The following NCAM1 variants were observed in gnomAD, a reference collection of about 807,000 sequenced individuals.
NCAM1 encodes the protein neural cell adhesion molecule 1, also known as antigen recognized by monoclonal antibody 5.1H11.
Under a neutral mutation model 109.8 loss-of-function variants are expected in NCAM1, and 14 were observed. The observed-to-expected ratio is 0.13, with a 90% CI of 0.08 to 0.20. NCAM1 has a LOEUF of 0.20. Ranked by LOEUF, NCAM1 falls within the 10% of genes least tolerant of loss-of-function variation. NCAM1 has a pLI of 1.00. For missense variants in NCAM1, 774 were observed against 1,109.9 expected, an observed-to-expected ratio of 0.70 and a Z score of 4.30; for synonymous variants, 418 against 442.9, an observed-to-expected ratio of 0.94 and a Z score of 0.70.
intron 1 of NCAM1, among the ~76,000 whole-genome samples, chr11:113,061,873 G>C (rs1161664134): frequency 1.3e-5 from 2 of 152,164 alleles, no homozygotes; most frequent in Non-Finnish European, 2.9e-5. Context: ...ATATTTGACT[G>C]TGTGTATTTA....
intron 1 of NCAM1, among the ~76,000 whole-genome samples, chr11:113,141,753 G>A (rs140574625): frequency 6.6e-6 from 1 of 152,236 alleles, no homozygotes; most frequent in Non-Finnish European, 1.5e-5. Flanking sequence ...GAGCCGCCTT[G>A]CATACCTCTC....
chr11:112,968,046 C>T (rs1333067508), intron 1 of NCAM1, among the ~76,000 whole-genome samples: 2 of 152,184 alleles, frequency 1.3e-5, no homozygotes, highest in African/African-American at 4.8e-5. Context: ...AACTTCTGGT[C>T]CTTCTTTAGC....
At chr11:113,051,794 C>T (rs548776359) in intron 1 of NCAM1, among the ~76,000 whole-genome samples, 1 of 152,308 alleles carries the variant, frequency 6.6e-6, no homozygotes, top group South Asian at 2.1e-4. Flanking sequence ...GTTTTTCTCT[C>T]ATAAGCAACA....
At chr11:113,200,270 T>C (rs1387287687) in intron 1 of NCAM1, among the ~76,000 whole-genome samples, 1 of 152,168 alleles carries the variant, frequency 6.6e-6, no homozygotes, top group Non-Finnish European at 1.5e-5. Flanking sequence ...TTCATAAGCC[T>C]GTAGTTCCCA....
chr11:113,071,616 G>A lies in NCAM1; in HGVS notation c.52+109952G>A, dbSNP rs368791143. Among the ~76,000 whole-genome samples the A allele has an allele frequency of 9.9e-4, 151 of 151,976 alleles. 1 individual carries two copies. The highest frequency in any genetic ancestry group is 3.4e-3 in the Middle Eastern group (1 of 294). Reference sequence around the variant, plus strand: ...AATTTTTTGTATTTTTAGTAGAGACGGGGTTTCACCGTGTTAGCCAGGATG... The same window carrying A: ...AATTTTTTGTATTTTTAGTAGAGACAGGGTTTCACCGTGTTAGCCAGGATG... On this transcript the variant is annotated intron_variant, in intron 1 of 19. Coordinates refer to ENST00000316851, the MANE Select transcript of NCAM1 (RefSeq NM_181351.5).
At chr11:113,004,811 A>G (rs1591237069) in intron 1 of NCAM1, among the ~76,000 whole-genome samples, 1 of 140,162 alleles carries the variant, frequency 7.1e-6, no homozygotes, top group Admixed American at 7.4e-5. Flanking sequence ...ATGTTCTTGT[A>G]CTGATTCTTT....
At chr11:113,255,496 T>C (rs1176358961) in intron 15 of NCAM1, among the ~76,000 whole-genome samples, 1 of 150,654 alleles carries the variant, frequency 6.6e-6, no homozygotes, top group Non-Finnish European at 1.5e-5. Context: ...TTCTATTTTC[T>C]CCTATTTCAG....
intron 1 of NCAM1, among the ~76,000 whole-genome samples, chr11:113,050,180 GA>G (rs1201363850): frequency 1.3e-5 from 2 of 151,578 alleles, no homozygotes; most frequent in Admixed American, 6.6e-5. Flanking sequence ...AATGACTGAG[GA>G]AAAAAAGAGT....
At chr11:113,149,624 GTTTTTC>G (rs1157730485) in intron 1 of NCAM1, among the ~76,000 whole-genome samples, 2 of 152,066 alleles carry the variant, frequency 1.3e-5, no homozygotes, top group African/African-American at 4.8e-5. Flanking sequence ...AAATAAAACT[GTTTTTC>G]TTTAATTACA....
chr11:113,159,686 T>C (rs1475230300), intron 1 of NCAM1, among the ~76,000 whole-genome samples: 1 of 152,188 alleles, frequency 6.6e-6, no homozygotes, highest in East Asian at 1.9e-4. Flanking sequence ...AAAGGGGTGG[T>C]TCATCTACAG....
intron 1 of NCAM1, among the ~76,000 whole-genome samples, chr11:113,134,211 TTCGCGTAGGTGGAC>T: frequency 6.6e-6 from 1 of 152,354 alleles, no homozygotes; most frequent in Middle Eastern, 3.4e-3. Context: ...CTTTACATAC[TTCGCGTAGGTGGAC>T]TCACATAGTA....
At chr11:112,973,412 G>T (rs926948369) in intron 1 of NCAM1, among the ~76,000 whole-genome samples, 3 of 152,124 alleles carry the variant, frequency 2.0e-5, no homozygotes. Context: ...GAAATCCAAT[G>T]AAAGCTCTTT....
At chr11:113,096,997 A>C (rs1591321521) in intron 1 of NCAM1, among the ~76,000 whole-genome samples, 1 of 151,268 alleles carries the variant, frequency 6.6e-6, no homozygotes, top group Admixed American at 6.6e-5. Flanking sequence ...CATTTGTTGA[A>C]CCCCCCCTGC....
intron 1 of NCAM1, among the ~76,000 whole-genome samples, chr11:113,182,720 G>T (rs1943371067): frequency 6.6e-6 from 1 of 152,224 alleles, no homozygotes; most frequent in African/African-American, 2.4e-5. Context: ...GTTTGGACTA[G>T]AACTTCAGCC....
At chr11:113,147,779 AT>A (rs1265110919) in intron 1 of NCAM1, among the ~76,000 whole-genome samples, 3 of 152,172 alleles carry the variant, frequency 2.0e-5, no homozygotes, top group African/African-American at 7.2e-5. Flanking sequence ...ATGTGACGCC[AT>A]TTTTATAACA....
At chr11:113,257,039 C>T (rs1945851443) in intron 16 of NCAM1, among the ~76,000 whole-genome samples, 1 of 152,240 alleles carries the variant, frequency 6.6e-6, no homozygotes, top group Non-Finnish European at 1.5e-5. Context: ...CGCAGGCATA[C>T]TTCTCAGCTG....
At chr11:113,138,918 G>A (rs899187968) in intron 1 of NCAM1, among the ~76,000 whole-genome samples, 8 of 152,186 alleles carry the variant, frequency 5.3e-5, no homozygotes, top group Admixed American at 3.3e-4. Flanking sequence ...CCTTCTGCCC[G>A]ACTCATCACA....
At chr11:112,975,038 C>A (rs1430627225) in intron 1 of NCAM1, among the ~76,000 whole-genome samples, 5 of 151,896 alleles carry the variant, frequency 3.3e-5, no homozygotes, top group African/African-American at 1.2e-4. Context: ...GCTTGCAGTT[C>A]TTAAAGGAAA....
At chr11:113,204,563 G>T in intron 3 of NCAM1, 59 bp downstream of exon 3, 1 of 1,526,424 alleles carries the variant, frequency 6.6e-7, no homozygotes, top group South Asian at 1.2e-5. Flanking sequence ...GAGACATGTG[G>T]GTAGTGGAAA....
Sources: allele counts gnomAD v4.1 joint callset (sites outside exome capture counted in the v4.1 genomes callset), GRCh38; gene constraint gnomAD v4.1.1; transcripts MANE v1.5; gene names NCBI Gene and HGNC (gene_info 2026-07-23, HGNC 2026-07-21).